The following HYDIN variants were observed in gnomAD, a reference collection of about 807,000 sequenced individuals.
The protein encoded by HYDIN is axonemal central pair apparatus protein HYDIN.
HYDIN carries 132 observed loss-of-function variants against 403.9 expected under a neutral mutation model. The ratio of observed to expected loss-of-function variants is 0.33; its 90% CI spans 0.28 to 0.38. HYDIN has a LOEUF of 0.38. Among genes scored for constraint, HYDIN ranks in the 10% least tolerant of loss-of-function variants. The pLI, the probability that HYDIN is intolerant of heterozygous loss-of-function variation, is 1.00. For synonymous variants in HYDIN, 1,202 were observed against 1,891.7 expected, an observed-to-expected ratio of 0.64 and a Z score of 9.46; for missense variants, 2,827 against 5,009.5, an observed-to-expected ratio of 0.56 and a Z score of 13.15.
At chr16:71,164,096 A>G (rs1436366195) in intron 5 of HYDIN, among the ~76,000 whole-genome samples, 2 of 147,008 alleles carry the variant, frequency 1.4e-5, no homozygotes, top group East Asian at 2.1e-4. Flanking sequence ...AGAAGTCACC[A>G]TAAAAGGTAT....
chr16:71,108,705 T>C (rs1273224463), intron 10 of HYDIN, among the ~76,000 whole-genome samples: 1 of 152,068 alleles, frequency 6.6e-6, no homozygotes, highest in Non-Finnish European at 1.5e-5. Flanking sequence ...TGGTTATTAT[T>C]TGTCAATTAA....
In HYDIN at chr16:70,807,504, C is replaced by A; in HGVS notation, c.*76G>T. ...GAATAAAAACAGTTCCTTTAGAATT[C>A]TTATTGTTTTCTCTATTCTTTTTCA... is the stretch of plus-strand genomic sequence containing the variant. On this transcript the variant is annotated 3_prime_UTR_variant, in exon 86 of 86. Coordinates refer to ENST00000393567, the MANE Select transcript of HYDIN (RefSeq NM_001270974.2). 6.8e-7 allele frequency: 1 copy of A among 1,466,054 alleles called. No individual in the cohort carries two copies. The highest frequency in any genetic ancestry group is 9.2e-7 in the Non-Finnish European group (1 of 1,089,106). 90.8% of individuals were successfully genotyped at this position (1,466,054 alleles called of 1,614,324 possible). A position where few individuals can be genotyped will look rare whatever the true frequency, so the allele number is the denominator to read the frequency against.
chr16:70,807,798 C>A lies in HYDIN; in HGVS notation c.15148G>T (p.Val5050Leu), dbSNP rs372157226. 34 of 1,614,128 alleles carry A rather than the reference C, an allele frequency of 2.1e-5. No individual in the cohort carries two copies. Among genetic ancestry groups the A allele is most frequent in the Non-Finnish European group, 2.9e-5 (34 of 1,180,034 alleles). The change falls in exon 86 of 86, where the codon GTG (valine) becomes TTG (leucine). Residue 5050 changes from valine to leucine, a missense_variant. Coordinates refer to ENST00000393567, the MANE Select transcript of HYDIN (RefSeq NM_001270974.2). The part of the protein sequence containing the change: ...IPFKNVFYHM[V>L]TFSIIVDNPA... ...TTATCCACGATGATGGAGAAGGTCA[C>A]CATGTGATAGAAGACATTCTTGAAG...
intron 37 of HYDIN, 95 bp from the exon 38 acceptor site, chr16:70,962,233 G>C: frequency 2.9e-6 from 2 of 696,926 alleles, no homozygotes; most frequent in South Asian, 5.2e-5. Flanking sequence ...ATGAAGAAGA[G>C]ATTCACCATA....
chr16:70,846,895 G>T (rs2038246840), intron 75 of HYDIN, among the ~76,000 whole-genome samples: 1 of 122,368 alleles, frequency 8.2e-6, no homozygotes. Context: ...CATTGGCTTG[G>T]TAGATCTTCC....
At position 70,879,616 on chromosome 16, in the gene HYDIN, A is replaced by G; in HGVS notation, c.10356T>C (p.Asp3452=). ...CTGGGAGTTGGTACCTGGGCAAGCC[A>G]TCCAAGGTAGCCTCAAAGATGCACT... ...NYQCIFEATL[D]GLPSTLAKSR... The change falls in exon 61 of 86, where the codon GAT becomes GAC. Residue 3452 remains aspartate (D), a synonymous_variant. Transcript: ENST00000393567. The G allele has an allele frequency of 6.2e-7, 1 of 1,613,254 alleles. No individual in the cohort carries two copies. The highest frequency in any genetic ancestry group is 8.5e-7 in the Non-Finnish European group (1 of 1,179,920).
chr16:70,955,427 C>T lies in HYDIN; in HGVS notation c.6264G>A (p.Glu2088=). 1.2e-6 allele frequency: 2 copies of T among 1,614,164 alleles called. No individual in the cohort carries two copies. The highest frequency in any genetic ancestry group is 1.7e-4 in the Middle Eastern group (1 of 6,048). ...SNNIPGIRAR[E]LCIRAAIEQS... is the part of the protein sequence containing the mutation. ...GCTCTATGGCAGCCCTGATGCAGAG[C>T]TCACGGGCCCGGATCCCTGGGATGT... is the stretch of plus-strand genomic sequence containing the variant. Residue 2088 remains glutamate (E), a synonymous_variant, in exon 40 of 86, where the codon GAG becomes GAA. Transcript: ENST00000393567.
intron 56 of HYDIN, 141 bp downstream of exon 56, chr16:70,892,220 C>T (rs1338908321): frequency 8.0e-6 from 6 of 753,136 alleles, no homozygotes; most frequent in South Asian, 6.9e-5. Flanking sequence ...GACAGAACCC[C>T]GGTGTATCCT....
intron 73 of HYDIN, among the ~76,000 whole-genome samples, chr16:70,853,884 CTTT>C (rs1243167463): frequency 7.0e-6 from 1 of 143,186 alleles, no homozygotes; most frequent in African/African-American, 2.8e-5. Flanking sequence ...ATTTCTTCTT[CTTT>C]CTTTCTTTTT....
chr16:71,049,995 TA>T (rs1313694069), intron 18 of HYDIN, among the ~76,000 whole-genome samples: 1 of 148,646 alleles, frequency 6.7e-6, no homozygotes, highest in Admixed American at 6.7e-5. Context: ...TATATATATA[TA>T]ATATATATAT....
chr16:70,947,827 A>G (rs1294216470), intron 41 of HYDIN, among the ~76,000 whole-genome samples: 2 of 152,046 alleles, frequency 1.3e-5, no homozygotes, highest in African/African-American at 4.8e-5. Flanking sequence ...AAATGGAAGA[A>G]CATTCCATGC....
chr16:70,919,362 G>C (rs561884231), intron 46 of HYDIN, among the ~76,000 whole-genome samples: 1 of 152,068 alleles, frequency 6.6e-6, no homozygotes, highest in African/African-American at 2.4e-5. Context: ...CCTTAGCTAA[G>C]GCTGGCCTGA....
rs549080917 is a variant in HYDIN, at chr16:71,171,560, GT to G, written c.516+4046del. ...TTTTCTGGGTACTACACTATCAGGAGTTTTTATAAAGAAATTTCCTAAAATC... is the reference window on the plus strand; with the variant it reads ...TTTTCTGGGTACTACACTATCAGGAGTTTTATAAAGAAATTTCCTAAAATC... On this transcript the variant is annotated intron_variant, in intron 5 of 85. Transcript: ENST00000393567. 2.3e-3 allele frequency among the ~76,000 whole-genome samples: 352 copies of G among 152,188 alleles called. 2 individuals are homozygous for G. Among genetic ancestry groups the G allele is most frequent in the Non-Finnish European group, 3.9e-3 (267 of 68,012 alleles).
chr16:71,106,926 C>G (rs2144427111), intron 10 of HYDIN, among the ~76,000 whole-genome samples: 1 of 146,082 alleles, frequency 6.8e-6, no homozygotes, highest in East Asian at 2.0e-4. Context: ...CAATGATAGA[C>G]TGGATTAAGA....
chr16:70,891,271 C>A (rs1368292685), intron 57 of HYDIN, among the ~76,000 whole-genome samples: 1 of 152,182 alleles, frequency 6.6e-6, no homozygotes, highest in Non-Finnish European at 1.5e-5. Context: ...TCACTGCAAC[C>A]TCCGCCTCTC....
At position 71,062,169 on chromosome 16, in the gene HYDIN, C is replaced by A; in HGVS notation, c.2376G>T (p.Leu792Phe). The change falls in exon 17 of 86, where the codon TTG becomes TTT. Residue 792 changes from leucine (L) to phenylalanine (F), a missense_variant and splice_region_variant. Physicochemically the swap from Leu to Phe is conservative, Grantham distance 22. Transcript: ENST00000393567. ...ISIFGSQDPP[L>F]VCHLKSAGEG... is the part of the protein sequence containing the mutation. ...TGCAGTTCTGAAAATGGACTCTCAC[C>A]AAAGGGGGGTCCTGGCTCCCAAAGA... 1 of 1,251,892 alleles carries A rather than the reference C, an allele frequency of 8.0e-7. No individual in the cohort carries two copies. The highest frequency in any genetic ancestry group is 2.4e-5 in the Admixed American group (1 of 42,186). The allele number at this position is 1,251,892 out of a possible 1,614,324, so 77.5% of individuals were successfully genotyped here.
At chr16:71,175,201 GACA>G (rs953722807) in intron 5 of HYDIN, among the ~76,000 whole-genome samples, 47 of 146,740 alleles carry the variant, frequency 3.2e-4, no homozygotes, top group Admixed American at 6.7e-5. Context: ...CACTATCAAT[GACA>G]ACAATATTAC....
At chr16:70,832,714 C>G in intron 80 of HYDIN, 134 bp downstream of exon 80, 1 of 628,746 alleles carries the variant, frequency 1.6e-6, no homozygotes, top group Middle Eastern at 4.2e-4. Flanking sequence ...AATGAATATT[C>G]CAGCAGTGGA....
intron 1 of HYDIN, among the ~76,000 whole-genome samples, chr16:71,206,555 A>G (rs2088310211): frequency 6.6e-6 from 1 of 152,202 alleles, no homozygotes; most frequent in African/African-American, 2.4e-5. Flanking sequence ...GTTCTCCAGC[A>G]AGGGTTCTTA....
Sources: gnomAD v4.1 joint callset for allele counts (sites outside exome capture counted in the v4.1 genomes callset) on GRCh38, gnomAD v4.1.1 for gene constraint, MANE v1.5 for transcripts, NCBI Gene and HGNC (gene_info 2026-07-23, HGNC 2026-07-21) for gene names.